Variants in CDH12 observed in about 807,000 individuals in gnomAD.
CDH12 encodes the protein cadherin 12.
In CDH12, 41 loss-of-function variants were observed where a neutral mutation model predicts 74.1. The ratio of observed to expected loss-of-function variants is 0.55; its 90% CI spans 0.43 to 0.72. CDH12 has a LOEUF of 0.72. CDH12 is among the 30% of genes least tolerant of loss of function. The pLI, the probability that CDH12 is intolerant of heterozygous loss-of-function variation, is 0.00. For synonymous variants in CDH12, 399 were observed against 355.0 expected (o/e 1.12, Z -1.39); for missense variants, 945 against 977.2 (o/e 0.97, Z 0.44).
chr5:22,420,228 T>G (rs1411127253), intron 2 of CDH12, among the ~76,000 whole-genome samples: 1 of 152,210 alleles, frequency 6.6e-6, no homozygotes, highest in Admixed American at 6.5e-5. Context: ...TTTTGACGTT[T>G]TCTTCATGAA....
chr5:22,801,378 G>T (rs1748503526), intron 1 of CDH12, among the ~76,000 whole-genome samples: 1 of 151,778 alleles, frequency 6.6e-6, no homozygotes, highest in Admixed American at 6.6e-5. Context: ...GCCAGTTTTG[G>T]GACGCCTTGA....
In CDH12 at chr5:21,830,198, T is replaced by TAAAAA. The variant is rs1561221170; in HGVS notation, c.814+11962_814+11963insTTTTT. ...TGGGTGACAACAGTGAAACTCCTTC[T>TAAAAA]CAAAAAAAAAAAAAAAAAAAAAAAA... On this transcript the variant is annotated intron_variant, in intron 8 of 14. Coordinates refer to ENST00000382254, the MANE Select transcript of CDH12 (RefSeq NM_004061.5). 3.9e-4 allele frequency among the ~76,000 whole-genome samples: 11 copies of TAAAAA among 28,114 alleles called. No homozygotes were observed. The East Asian group carries it at 0.019, about 48-fold the overall frequency. The allele number at this position is 28,114 out of a possible 152,430, so 18.4% of individuals were successfully genotyped here. A position where few individuals can be genotyped will look rare whatever the true frequency, so the allele number is the denominator to read the frequency against.
chr5:21,785,738 A>G (rs1746163049), intron 10 of CDH12, among the ~76,000 whole-genome samples: 1 of 152,212 alleles, frequency 6.6e-6, no homozygotes, highest in Non-Finnish European at 1.5e-5. Context: ...GAGTTGGTTC[A>G]TGAGGTTTAA....
At chr5:22,493,823 C>A (rs145907495) in intron 2 of CDH12, among the ~76,000 whole-genome samples, 2 of 151,976 alleles carry the variant, frequency 1.3e-5, no homozygotes. Flanking sequence ...GACCATGGGA[C>A]CTGGAAACAA....
At chr5:22,058,025 CT>C (rs200346221) in intron 5 of CDH12, among the ~76,000 whole-genome samples, 1 of 148,648 alleles carries the variant, frequency 6.7e-6, no homozygotes, top group Non-Finnish European at 1.5e-5. Context: ...ATCTATCTAT[CT>C]ATCTATCTAT....
intron 5 of CDH12, among the ~76,000 whole-genome samples, chr5:22,005,532 T>C (rs946743826): frequency 2.0e-5 from 3 of 152,038 alleles, no homozygotes; most frequent in Non-Finnish European, 4.4e-5. Flanking sequence ...GCAACCTGCT[T>C]TGACCTCAAA....
At chr5:22,117,523 A>ATT (rs1347655379) in intron 4 of CDH12, among the ~76,000 whole-genome samples, 15 of 65,568 alleles carry the variant, frequency 2.3e-4, no homozygotes, top group Admixed American at 1.1e-3. Context: ...ATATATATAT[A>ATT]ATATATATAT....
intron 6 of CDH12, among the ~76,000 whole-genome samples, chr5:21,932,699 G>C (rs1432652626): frequency 6.6e-6 from 1 of 151,782 alleles, no homozygotes; most frequent in African/African-American, 2.4e-5. Flanking sequence ...AAGAGATCGA[G>C]ACCATCCTGG....
chr5:22,201,267 G>T (rs1230257896), intron 4 of CDH12, among the ~76,000 whole-genome samples: 2 of 152,144 alleles, frequency 1.3e-5, no homozygotes, highest in Non-Finnish European at 2.9e-5. Flanking sequence ...AGATATCCAA[G>T]ATACGGAATC....
chr5:22,085,066 T>A (rs539320881), intron 4 of CDH12, among the ~76,000 whole-genome samples: 43 of 152,302 alleles, frequency 2.8e-4, no homozygotes, highest in African/African-American at 9.4e-4. Context: ...ATAAAATATT[T>A]ATATTTGTCT....
chr5:22,813,509 G>A (rs751957288), intron 1 of CDH12, among the ~76,000 whole-genome samples: 2 of 152,016 alleles, frequency 1.3e-5, no homozygotes, highest in Non-Finnish European at 2.9e-5. Context: ...CACACCTTTG[G>A]TGATCCCTTC....
In CDH12 at chr5:21,782,014, G is replaced by T. The variant is rs79630588; in HGVS notation, c.1393+1344C>A. Among the ~76,000 whole-genome samples the T allele has an allele frequency of 2.6e-5, 4 of 152,278 alleles. No homozygotes were observed. In the East Asian group the frequency reaches 7.7e-4, roughly 29 times the overall value. On this transcript the variant is annotated intron_variant, in intron 11 of 14. Coordinates refer to ENST00000382254, the MANE Select transcript of CDH12 (RefSeq NM_004061.5). ...ATTTTGTGGGTAAGAATTTGGGCAG[G>T]ATTTGACTGGGCTAATATTCCATTT...
intron 4 of CDH12, among the ~76,000 whole-genome samples, chr5:22,129,354 A>C (rs1424754837): frequency 6.6e-6 from 1 of 152,162 alleles, no homozygotes; most frequent in Admixed American, 6.6e-5. Flanking sequence ...GTTGCTAGGC[A>C]GTGTTGGACT....
At chr5:22,232,898 A>G (rs1321796621) in intron 3 of CDH12, among the ~76,000 whole-genome samples, 4 of 148,028 alleles carry the variant, frequency 2.7e-5, no homozygotes, top group African/African-American at 9.8e-5. Context: ...TATATTTTCT[A>G]TATATATTTT....
At chr5:22,075,389 C>G (rs1375806598) in intron 5 of CDH12, among the ~76,000 whole-genome samples, 1 of 151,428 alleles carries the variant, frequency 6.6e-6, no homozygotes, top group East Asian at 1.9e-4. Context: ...TACAGCACAC[C>G]AACATGGCAC....
chr5:22,783,789 A>T (rs578084866), intron 1 of CDH12, among the ~76,000 whole-genome samples: 67 of 152,270 alleles, frequency 4.4e-4, no homozygotes, highest in African/African-American at 1.5e-3. Flanking sequence ...ATGACTTCTT[A>T]AGTACCACAA....
chr5:22,382,230 T>C (rs1034411685), intron 3 of CDH12, among the ~76,000 whole-genome samples: 4 of 146,528 alleles, frequency 2.7e-5, no homozygotes, highest in Admixed American at 2.1e-4. Flanking sequence ...TATAATATTT[T>C]ATATATTATA....
At chr5:22,401,072 G>A (rs16895132) in intron 3 of CDH12, among the ~76,000 whole-genome samples, 41,257 of 151,920 alleles carry the variant, frequency 0.27, 5,668 homozygotes, top group East Asian at 0.35. Context: ...TGCATTCTTC[G>A]TTATTTTAGT....
In CDH12 at chr5:22,756,454, T is replaced by C. The variant is rs146563823; in HGVS notation, c.-523+96604A>G. Reference sequence around the variant, plus strand: ...TAATTTATTCCTATTATTTATCTCATATTTATTCATGAATTATTATTTTAA... The same window carrying C: ...TAATTTATTCCTATTATTTATCTCACATTTATTCATGAATTATTATTTTAA... On this transcript the variant is annotated intron_variant, in intron 1 of 14. Transcript: ENST00000382254. 3.7e-3 allele frequency among the ~76,000 whole-genome samples: 571 copies of C among 152,298 alleles called. 1 individual carries two copies. Among genetic ancestry groups the C allele is most frequent in the Middle Eastern group, 0.02 (6 of 294 alleles).
Sources: allele counts gnomAD v4.1 joint callset (sites outside exome capture counted in the v4.1 genomes callset), GRCh38; gene constraint gnomAD v4.1.1; transcripts MANE v1.5; gene names NCBI Gene and HGNC (gene_info 2026-07-23, HGNC 2026-07-21).